FRMD6: variants seen among roughly 807,000 people sequenced by gnomAD.
The protein encoded by FRMD6 is FERM domain-containing protein 6.
Under a neutral mutation model 73.2 loss-of-function variants are expected in FRMD6, and 37 were observed. The observed-to-expected ratio is 0.51, with a 90% CI of 0.39 to 0.66. The LOEUF is 0.66. Ranked by LOEUF, FRMD6 falls within the 30% of genes least tolerant of loss-of-function variation. FRMD6 has a pLI of 0.00. For missense variants in FRMD6, 714 were observed against 780.5 expected, an observed-to-expected ratio of 0.91 and a Z score of 1.02; for synonymous variants, 273 against 282.2, an observed-to-expected ratio of 0.97 and a Z score of 0.33.
At chr14:51,603,578 A>G (rs1890125020) in intron 2 of FRMD6, among the ~76,000 whole-genome samples, 2 of 152,212 alleles carry the variant, frequency 1.3e-5, no homozygotes, top group Admixed American at 1.3e-4. Flanking sequence ...GAACAAAATT[A>G]TAATATGTTA....
chr14:51,679,772 T>A (rs1450919524), intron 1 of FRMD6, among the ~76,000 whole-genome samples: 1 of 152,168 alleles, frequency 6.6e-6, no homozygotes. Flanking sequence ...ATTAACAGAA[T>A]TATGCTTATT....
intron 2 of FRMD6, among the ~76,000 whole-genome samples, chr14:51,573,291 A>G (rs2139603984): frequency 6.6e-6 from 1 of 152,300 alleles, no homozygotes; most frequent in South Asian, 2.1e-4. Context: ...AGCAGGGGTT[A>G]TAGGCCAATA....
At chr14:51,501,815 G>A (rs949401015) in intron 1 of FRMD6, among the ~76,000 whole-genome samples, 5 of 152,172 alleles carry the variant, frequency 3.3e-5, no homozygotes, top group Admixed American at 6.5e-5. Context: ...CTTCCACAAT[G>A]GTTGAACTAA....
intron 1 of FRMD6, among the ~76,000 whole-genome samples, chr14:51,663,234 A>T (rs1278004272): frequency 6.6e-6 from 1 of 152,252 alleles, no homozygotes; most frequent in Admixed American, 6.5e-5. Context: ...AAAAACAGAA[A>T]TACAGTTAGA....
At chr14:51,669,955 G>T (rs1014843065) in intron 1 of FRMD6, among the ~76,000 whole-genome samples, 9 of 151,820 alleles carry the variant, frequency 5.9e-5, no homozygotes, top group Admixed American at 5.3e-4. Flanking sequence ...TTTTCAATTT[G>T]GGCCTGTAGT....
At chr14:51,448,687 T>A in the FRMD6 span, among the ~76,000 whole-genome samples, 1 of 152,196 alleles carries the variant, frequency 6.6e-6, no homozygotes, top group Non-Finnish European at 1.5e-5. Flanking sequence ...AAGGGCAGGT[T>A]AGGTCAGGCA....
intron 2 of FRMD6, among the ~76,000 whole-genome samples, chr14:51,598,389 G>A (rs1889838503): frequency 1.3e-5 from 2 of 152,260 alleles, no homozygotes; most frequent in Middle Eastern, 3.4e-3. Context: ...GCATGTCATT[G>A]CCTTTCTTCT....
At chr14:51,610,243 A>G (rs1219179753) in intron 2 of FRMD6, among the ~76,000 whole-genome samples, 1 of 151,610 alleles carries the variant, frequency 6.6e-6, no homozygotes, top group East Asian at 1.9e-4. Flanking sequence ...TCTCCAAGCC[A>G]TTATTCCTCC....
intron 2 of FRMD6, among the ~76,000 whole-genome samples, chr14:51,635,331 T>C (rs940206256): frequency 4.6e-5 from 7 of 152,180 alleles, no homozygotes; most frequent in Admixed American, 3.9e-4. Context: ...GGAGTTTAAG[T>C]CTGCAGTAAG....
intron 1 of FRMD6, among the ~76,000 whole-genome samples, chr14:51,657,516 T>C (rs1028164483): frequency 5.3e-5 from 8 of 152,240 alleles, no homozygotes; most frequent in East Asian, 1.9e-4. Flanking sequence ...TCATGTGATA[T>C]ATCCAAATTG....
the FRMD6 span, among the ~76,000 whole-genome samples, chr14:51,466,197 C>T: frequency 5.3e-5 from 8 of 152,110 alleles, no homozygotes; most frequent in Non-Finnish European, 1.0e-4. Flanking sequence ...ATATAGATTG[C>T]AAATATTTTC....
chr14:51,596,973 A>T (rs1889752991), intron 2 of FRMD6, among the ~76,000 whole-genome samples: 1 of 152,210 alleles, frequency 6.6e-6, no homozygotes, highest in South Asian at 2.1e-4. Context: ...ACTGCATCGC[A>T]TTTAACTAAC....
the FRMD6 span, among the ~76,000 whole-genome samples, chr14:51,409,989 G>C: frequency 1.6e-4 from 25 of 152,128 alleles, no homozygotes; most frequent in African/African-American, 5.3e-4. Context: ...CAAACTTCTT[G>C]AATGTAAATC....
chr14:51,680,808 C>G (rs1894743056), intron 1 of FRMD6, among the ~76,000 whole-genome samples: 1 of 151,592 alleles, frequency 6.6e-6, no homozygotes, highest in African/African-American at 2.4e-5. Flanking sequence ...CTGTCTTTTC[C>G]CTATTTAGAT....
intron 1 of FRMD6, among the ~76,000 whole-genome samples, chr14:51,495,396 G>A (rs548159181): frequency 1.1e-4 from 16 of 152,224 alleles, no homozygotes; most frequent in African/African-American, 3.6e-4. Context: ...TCTATCTTAG[G>A]AGGACACAAA....
At chr14:51,631,360 T>C (rs1891329942) in intron 2 of FRMD6, among the ~76,000 whole-genome samples, 1 of 152,226 alleles carries the variant, frequency 6.6e-6, no homozygotes, top group African/African-American at 2.4e-5. Flanking sequence ...CTCCTTAATC[T>C]CTGTCTTTAG....
At position 51,730,257 on chromosome 14, in the gene FRMD6, G is replaced by C. The variant is rs1379899853; in HGVS notation, c.*2228G>C. On this transcript the variant is annotated 3_prime_UTR_variant, in exon 14 of 14. Coordinates refer to ENST00000344768, the MANE Select transcript of FRMD6 (RefSeq NM_001267046.2). ...TTGAGGTTTTGCTGACATTGTTGGT[G>C]GTTTTGCACATGTTCTTTCTAATTG... 2 of 152,112 alleles carry C rather than the reference G, an allele frequency of 1.3e-5. No individual in the cohort carries two copies. The highest frequency in any genetic ancestry group is 2.9e-5 in the Non-Finnish European group (2 of 68,030). 9.4% of individuals were successfully genotyped at this position (152,112 alleles called of 1,614,324 possible). A position where few individuals can be genotyped will look rare whatever the true frequency, so the allele number is the denominator to read the frequency against.
At chr14:51,701,869 A>T (rs1198465635) in intron 4 of FRMD6, among the ~76,000 whole-genome samples, 1 of 151,936 alleles carries the variant, frequency 6.6e-6, no homozygotes, top group Admixed American at 6.6e-5. Context: ...CTGTACTTGC[A>T]TTTGATGCTT....
chr14:51,584,859 C>T (rs994472679), intron 2 of FRMD6, among the ~76,000 whole-genome samples: 4 of 152,166 alleles, frequency 2.6e-5, no homozygotes, highest in South Asian at 2.1e-4. Flanking sequence ...GGTTCTACAA[C>T]GCTTCTGTGA....
Sources: allele counts gnomAD v4.1 joint callset (sites outside exome capture counted in the v4.1 genomes callset), GRCh38; gene constraint gnomAD v4.1.1; transcripts MANE v1.5; gene names NCBI Gene and HGNC (gene_info 2026-07-23, HGNC 2026-07-21).